The following ROBO2 variants were observed in gnomAD, a reference collection of about 807,000 sequenced individuals.
ROBO2 encodes roundabout homolog 2.
In ROBO2, 53 loss-of-function variants were observed where a neutral mutation model predicts 160.8. The ratio of observed to expected loss-of-function variants is 0.33; its 90% CI spans 0.26 to 0.41. The LOEUF (loss-of-function observed/expected upper bound fraction) is 0.41. Ranked by LOEUF, ROBO2 falls within the 10% of genes least tolerant of loss-of-function variation. ROBO2 has a pLI of 1.00. For synonymous variants in ROBO2, 664 were observed against 611.7 expected (o/e 1.09, Z -1.26); for missense variants, 1,577 against 1,722.4 (o/e 0.92, Z 1.49).
At chr3:76,723,227 G>T (rs925943731) in intron 2 of ROBO2, among the ~76,000 whole-genome samples, 1 of 151,754 alleles carries the variant, frequency 6.6e-6, no homozygotes, top group Non-Finnish European at 1.5e-5. Context: ...CATCATTTTC[G>T]AAATAAAATA....
chr3:77,519,585 C>T (rs113012248), intron 5 of ROBO2, among the ~76,000 whole-genome samples: 1 of 151,208 alleles, frequency 6.6e-6, no homozygotes, highest in Admixed American at 6.6e-5. Flanking sequence ...TTTCACCTTC[C>T]ACTTATAAGT....
At chr3:76,046,062 T>G (rs1382289999) in intron 2 of ROBO2, among the ~76,000 whole-genome samples, 1 of 151,862 alleles carries the variant, frequency 6.6e-6, no homozygotes, top group East Asian at 1.9e-4. Context: ...AGAAATTGAG[T>G]GATCTGTTCA....
intron 2 of ROBO2, among the ~76,000 whole-genome samples, chr3:77,359,194 A>G (rs1351215528): frequency 6.6e-6 from 1 of 152,230 alleles, no homozygotes; most frequent in Non-Finnish European, 1.5e-5. Flanking sequence ...TCTCAGGGAC[A>G]CGTTCACTGA....
intron 2 of ROBO2, among the ~76,000 whole-genome samples, chr3:76,654,534 A>G (rs1368003548): frequency 1.3e-5 from 2 of 152,064 alleles, no homozygotes; most frequent in Non-Finnish European, 2.9e-5. Context: ...ATAACACATC[A>G]ACACCACACA....
At chr3:77,148,555 A>G (rs992924011) in intron 2 of ROBO2, among the ~76,000 whole-genome samples, 1 of 152,222 alleles carries the variant, frequency 6.6e-6, no homozygotes, top group Non-Finnish European at 1.5e-5. Context: ...TCATGTTCCC[A>G]TTCCTTAATC....
intron 2 of ROBO2, among the ~76,000 whole-genome samples, chr3:75,948,918 G>C (rs1948431752): frequency 6.6e-6 from 1 of 151,988 alleles, no homozygotes; most frequent in Admixed American, 6.6e-5. Flanking sequence ...CATCTGTTAG[G>C]ACATTTATTT....
intron 2 of ROBO2, among the ~76,000 whole-genome samples, chr3:76,187,618 C>A (rs1701826265): frequency 6.6e-6 from 1 of 152,048 alleles, no homozygotes; most frequent in South Asian, 2.1e-4. Context: ...TGTCACCTTT[C>A]TCTATGTCAA....
intron 2 of ROBO2, among the ~76,000 whole-genome samples, chr3:76,990,009 G>C (rs928241136): frequency 6.6e-6 from 1 of 152,088 alleles, no homozygotes; most frequent in Non-Finnish European, 1.5e-5. Context: ...AGATCTAATA[G>C]ATCTCAGTAT....
At chr3:77,064,830 T>G (rs968186505) in intron 1 of ROBO2, among the ~76,000 whole-genome samples, 1 of 152,238 alleles carries the variant, frequency 6.6e-6, no homozygotes, top group Non-Finnish European at 1.5e-5. Context: ...TGAATTATTT[T>G]CTATGACAAG....
At chr3:77,304,810 T>C (rs889204995) in intron 2 of ROBO2, among the ~76,000 whole-genome samples, 11 of 152,232 alleles carry the variant, frequency 7.2e-5, no homozygotes, top group African/African-American at 2.7e-4. Flanking sequence ...TGTATCTGTG[T>C]ATTGTGCTTA....
At chr3:75,995,951 G>C (rs1488854133) in intron 2 of ROBO2, among the ~76,000 whole-genome samples, 11 of 152,142 alleles carry the variant, frequency 7.2e-5, no homozygotes, top group Middle Eastern at 3.2e-3. Context: ...TTTGGAATGG[G>C]TGCATTTACC....
chr3:75,990,611 A>C (rs1255977133), intron 2 of ROBO2, among the ~76,000 whole-genome samples: 1 of 152,250 alleles, frequency 6.6e-6, no homozygotes, highest in Non-Finnish European at 1.5e-5. Context: ...AAATGGAAAT[A>C]AGTAATTTAA....
At chr3:77,493,025 G>A (rs528368216) in intron 4 of ROBO2, among the ~76,000 whole-genome samples, 51 of 152,114 alleles carry the variant, frequency 3.4e-4, no homozygotes, top group African/African-American at 1.2e-3. Context: ...AAGGTTGTAT[G>A]GTCTTATGTG....
At chr3:77,200,847 G>A (rs1579920812) in intron 2 of ROBO2, among the ~76,000 whole-genome samples, 1 of 152,144 alleles carries the variant, frequency 6.6e-6, no homozygotes, top group African/African-American at 2.4e-5. Context: ...CAACTGGCAA[G>A]CGAGGGTTAC....
intron 2 of ROBO2, among the ~76,000 whole-genome samples, chr3:77,460,710 A>G (rs939163179): frequency 1.3e-5 from 2 of 152,218 alleles, no homozygotes; most frequent in African/African-American, 4.8e-5. Flanking sequence ...GAGAATAAAA[A>G]AAAACTGTAG....
chr3:76,114,988 G>A (rs1380921978), intron 2 of ROBO2, among the ~76,000 whole-genome samples: 1 of 152,040 alleles, frequency 6.6e-6, no homozygotes, highest in Admixed American at 6.6e-5. Flanking sequence ...GTTAAGTGAG[G>A]TTAGAATTTA....
intron 2 of ROBO2, among the ~76,000 whole-genome samples, chr3:76,295,034 T>G (rs1708998598): frequency 6.6e-6 from 1 of 152,200 alleles, no homozygotes; most frequent in African/African-American, 2.4e-5. Flanking sequence ...ATTTAGCACA[T>G]GGGGAGATGT....
At chr3:77,357,400 T>C (rs2069293459) in intron 2 of ROBO2, among the ~76,000 whole-genome samples, 1 of 152,078 alleles carries the variant, frequency 6.6e-6, no homozygotes, top group African/African-American at 2.4e-5. Context: ...GAGTATTCTC[T>C]CTCCCTGTCA....
At chr3:77,542,346 CA>C (rs1229520268) in intron 6 of ROBO2, among the ~76,000 whole-genome samples, 2 of 152,122 alleles carry the variant, frequency 1.3e-5, no homozygotes, top group African/African-American at 2.4e-5. Flanking sequence ...GAATACTCTT[CA>C]AATTTTTTGC....
Sources: allele counts gnomAD v4.1 joint callset (sites outside exome capture counted in the v4.1 genomes callset), GRCh38; gene constraint gnomAD v4.1.1; transcripts MANE v1.5; gene names NCBI Gene and HGNC (gene_info 2026-07-23, HGNC 2026-07-21).